The following TLE4 variants were observed in gnomAD, a reference collection of about 807,000 sequenced individuals.
TLE4 encodes the protein TLE family member 4, transcriptional corepressor, also known as transducin-like enhancer protein 4.
A neutral mutation model predicts 92.8 loss-of-function variants in TLE4; 8 were observed. The observed-to-expected ratio is 0.09, with a 90% CI of 0.05 to 0.16. The LOEUF (loss-of-function observed/expected upper bound fraction) is 0.16. TLE4 is among the 10% of genes least tolerant of loss of function. The pLI is 1.00. For synonymous variants in TLE4, 371 were observed against 374.1 expected, an observed-to-expected ratio of 0.99 and a Z score of 0.10; for missense variants, 675 against 997.6, an observed-to-expected ratio of 0.68 and a Z score of 4.36.
intron 5 of TLE4, among the ~76,000 whole-genome samples, chr9:79,624,441 T>G (rs2051941563): frequency 6.6e-6 from 1 of 152,152 alleles, no homozygotes; most frequent in Non-Finnish European, 1.5e-5. Context: ...GAGCTTCTAT[T>G]CAAAAGGTCC....
intron 10 of TLE4, among the ~76,000 whole-genome samples, chr9:79,706,202 G>A (rs1045792482): frequency 1.3e-5 from 2 of 151,900 alleles, no homozygotes; most frequent in African/African-American, 2.4e-5. Context: ...GTGCCACCAC[G>A]CTTGGCTCAT....
chr9:79,620,830 G>C lies in TLE4; in HGVS notation c.316-6544G>C, dbSNP rs535838108. Among the ~76,000 whole-genome samples, 3 of 152,244 alleles carry C rather than the reference G, an allele frequency of 2.0e-5. No homozygotes were observed. The East Asian group carries it at 5.8e-4, about 29-fold the overall frequency. On this transcript the variant is annotated intron_variant, in intron 5 of 19. Transcript: ENST00000376552. ...CCAACATTACTTGGCTTCTGGGGAG[G>C]ACTCAGGGAGCTTTTTTTACTCATG... is the stretch of plus-strand genomic sequence containing the variant.
intron 6 of TLE4, among the ~76,000 whole-genome samples, chr9:79,650,245 TA>T (rs1264657591): frequency 6.6e-6 from 1 of 152,112 alleles, no homozygotes; most frequent in Non-Finnish European, 1.5e-5. Flanking sequence ...ATGTAATAGA[TA>T]CATTTTTAAA....
At chr9:79,705,048 G>T in intron 9 of TLE4, 146 bp downstream of exon 9, 3 of 1,246,232 alleles carry the variant, frequency 2.4e-6, no homozygotes, top group Non-Finnish European at 1.1e-6. Flanking sequence ...TTATAGCTCT[G>T]TAGCCATTGG....
At chr9:79,576,451 C>T (rs905167027) in intron 4 of TLE4, 6 of 247,538 alleles carry the variant, frequency 2.4e-5, no homozygotes, top group Middle Eastern at 1.2e-3. Flanking sequence ...ATTTTAAAAT[C>T]CTCTTGTTAT....
chr9:79,699,148 C>T (rs941114657), intron 8 of TLE4, among the ~76,000 whole-genome samples: 5 of 152,104 alleles, frequency 3.3e-5, no homozygotes, highest in Non-Finnish European at 5.9e-5. Flanking sequence ...ATGATCAACT[C>T]TTTGGATGAT....
intron 4 of TLE4, among the ~76,000 whole-genome samples, chr9:79,600,984 T>C (rs1343982621): frequency 1.3e-5 from 2 of 152,226 alleles, no homozygotes; most frequent in Admixed American, 1.3e-4. Context: ...ATGAACGCTG[T>C]ATACAAGGTG....
intron 5 of TLE4, among the ~76,000 whole-genome samples, chr9:79,621,412 A>G (rs2050947521): frequency 6.6e-6 from 1 of 152,190 alleles, no homozygotes; most frequent in Non-Finnish European, 1.5e-5. Flanking sequence ...ATGCATTGTC[A>G]TATACTTGGA....
chr9:79,717,248 C>T (rs1045060970), intron 14 of TLE4, among the ~76,000 whole-genome samples: 1 of 152,164 alleles, frequency 6.6e-6, no homozygotes, highest in Non-Finnish European at 1.5e-5. Flanking sequence ...CATAGGTGTA[C>T]CCTTGAGTTA....
At chr9:79,712,578 C>T (rs533927393) in intron 14 of TLE4, among the ~76,000 whole-genome samples, 1 of 152,336 alleles carries the variant, frequency 6.6e-6, no homozygotes, top group Admixed American at 6.5e-5. Flanking sequence ...TGTCTCTGTT[C>T]TAATTATTTC....
chr9:79,618,405 TCATTCATA>T (rs1238731468), intron 5 of TLE4, among the ~76,000 whole-genome samples: 1 of 152,216 alleles, frequency 6.6e-6, no homozygotes, highest in Non-Finnish European at 1.5e-5. Context: ...GTATTATTTA[TCATTCATA>T]CATTCATAGG....
chr9:79,603,889 G>T (rs1046607504), intron 4 of TLE4, among the ~76,000 whole-genome samples: 1 of 152,128 alleles, frequency 6.6e-6, no homozygotes, highest in African/African-American at 2.4e-5. Flanking sequence ...ACTACTAGGG[G>T]TCTGGTCTGT....
At chr9:79,691,108 C>G (rs555925115) in intron 8 of TLE4, among the ~76,000 whole-genome samples, 1 of 152,230 alleles carries the variant, frequency 6.6e-6, no homozygotes, top group East Asian at 1.9e-4. Flanking sequence ...TCCTCTTCCC[C>G]CTTCCCCAGT....
chr9:79,712,790 CT>C (rs1438997802), intron 14 of TLE4, among the ~76,000 whole-genome samples: 1 of 152,216 alleles, frequency 6.6e-6, no homozygotes, highest in Admixed American at 6.5e-5. Flanking sequence ...CCTTCACCTG[CT>C]ACTCAAATGA....
At chr9:79,665,814 G>A (rs1267171962) in intron 8 of TLE4, among the ~76,000 whole-genome samples, 1 of 152,054 alleles carries the variant, frequency 6.6e-6, no homozygotes, top group East Asian at 1.9e-4. Context: ...AATTTTATTT[G>A]TTTTTTTGCT....
Position 79,682,906 on chromosome 9 carries a change from A to T in TLE4, c.610-21877A>T, listed in dbSNP as rs933025089. Among the ~76,000 whole-genome samples, 6 of 152,188 alleles carry T rather than the reference A, an allele frequency of 3.9e-5. No individual in the cohort carries two copies. The East Asian group carries it at 5.8e-4, about 15-fold the overall frequency. On this transcript the variant is annotated intron_variant, in intron 8 of 19. Transcript: ENST00000376552. ...GTTGTGGTGACAGTCTTCAGGTTAT[A>T]AAAAAATGTAGGAATACACTACATT...
At chr9:79,625,014 C>CTTTTTTTTTTTTT (rs34968887) in intron 5 of TLE4, among the ~76,000 whole-genome samples, 84 of 79,938 alleles carry the variant, frequency 1.1e-3, no homozygotes, top group Non-Finnish European at 1.2e-3. Context: ...TATTTCTTTT[C>CTTTTTTTTTTTTT]TTTTTTTTTT....
At chr9:79,650,557 C>A (rs919420367) in intron 6 of TLE4, among the ~76,000 whole-genome samples, 10 of 152,160 alleles carry the variant, frequency 6.6e-5, no homozygotes, top group African/African-American at 2.4e-4. Context: ...ACGTTATTTT[C>A]TGCACTGTTA....
intron 1 of TLE4, 172 bp from the exon 2 acceptor site, chr9:79,573,517 C>G: frequency 1.2e-6 from 1 of 824,826 alleles, no homozygotes; most frequent in South Asian, 3.3e-5. Context: ...CGAAACCAGC[C>G]TCTGCCTGGG....
Sources: allele counts gnomAD v4.1 joint callset (sites outside exome capture counted in the v4.1 genomes callset), GRCh38; gene constraint gnomAD v4.1.1; transcripts MANE v1.5; gene names NCBI Gene and HGNC (gene_info 2026-07-23, HGNC 2026-07-21).